IL17RE: variants seen among roughly 807,000 people sequenced by gnomAD.
IL17RE encodes interleukin-17 receptor E.
A neutral mutation model predicts 70.7 loss-of-function variants in IL17RE; 47 were observed. The ratio of observed to expected loss-of-function variants is 0.67; its 90% CI spans 0.53 to 0.85. The LOEUF is 0.85. Ranked by LOEUF, IL17RE falls within the 40% of genes least tolerant of loss-of-function variation. The pLI is 0.00. For missense variants in IL17RE, 850 were observed against 893.9 expected (o/e 0.95, Z 0.63); for synonymous variants, 372 against 381.2 (o/e 0.98, Z 0.28).
chr3:9,905,008 T>A (rs2125072249), intron 3 of IL17RE, among the ~76,000 whole-genome samples: 1 of 137,872 alleles, frequency 7.3e-6, no homozygotes, highest in African/African-American at 2.8e-5. Flanking sequence ...GGTGGGAGGA[T>A]CACCTGAATT....
At position 9,906,844 on chromosome 3, in the gene IL17RE, T is replaced by C. The variant is rs1287161444; in HGVS notation, c.505T>C (p.Leu169=). The C allele has an allele frequency of 2.5e-6, 4 of 1,614,052 alleles. No homozygotes were observed. The highest frequency in any genetic ancestry group is 2.2e-5 in the East Asian group (1 of 44,900). Reference sequence around the variant, plus strand: ...AGAGACATGGGAAAGTCTTCCCAGATTGGACTCACAAAGGCATGGAGGTGG... The same window carrying C: ...AGAGACATGGGAAAGTCTTCCCAGACTGGACTCACAAAGGCATGGAGGTGG... ...DPETWESLPR[L]DSQRHGGPEF... The change falls in exon 5 of 16, where the codon TTG becomes CTG. Residue 169 remains leucine (L), a synonymous_variant. Coordinates refer to ENST00000383814, the MANE Select transcript of IL17RE (RefSeq NM_153480.2).
rs1410710738 is a variant in IL17RE at position 9,902,851 on chromosome 3, T to C, written c.-82T>C. On this transcript the variant is annotated 5_prime_UTR_variant, in exon 1 of 16. Coordinates refer to ENST00000383814, the MANE Select transcript of IL17RE (RefSeq NM_153480.2). Reference sequence around the variant, plus strand: ...GGCGAGGGCTCCTGCTGGTACTGTGTTCGCTGCTGCACAGCAAGGCCCTGC... The same window carrying C: ...GGCGAGGGCTCCTGCTGGTACTGTGCTCGCTGCTGCACAGCAAGGCCCTGC... 1.2e-6 allele frequency: 2 copies of C among 1,610,176 alleles called. No individual in the cohort carries two copies. Among genetic ancestry groups the C allele is most frequent in the African/African-American group, 2.7e-5 (2 of 75,016 alleles).
Position 9,914,753 on chromosome 3 carries a change from C to T in IL17RE, c.1423C>T (p.Leu475Phe), listed in dbSNP as rs760548335. Residue 475 changes from leucine (L) to phenylalanine (F), a missense_variant, in exon 15 of 16, where the codon CTC becomes TTC. Transcript: ENST00000383814. ...CACCCTACTGGGTGTTGTTCTGGCC[C>T]TCACCTGCCGGCGCCCACAGTCAGG... The part of the protein sequence containing the change: ...LLTLLGVVLA[L>F]TCRRPQSGPG... 1.9e-6 allele frequency: 3 copies of T among 1,613,926 alleles called. No individual in the cohort carries two copies. The highest frequency in any genetic ancestry group is 1.7e-5 in the Admixed American group (1 of 60,014).
chr3:9,904,818 G>A lies in IL17RE; in HGVS notation c.268+667G>A, dbSNP rs2082714893. The stretch of plus-strand genomic sequence containing the variant: ...AAAGAATTGGCAGTTTCTGGGCCAG[G>A]TATGATGGTTCACACCTGTAATCCC... On this transcript the variant is annotated intron_variant, in intron 3 of 15. Transcript: ENST00000383814. Among the ~76,000 whole-genome samples, 5 of 152,066 alleles carry A rather than the reference G, an allele frequency of 3.3e-5. No homozygotes were observed. In the South Asian group the frequency reaches 1.0e-3, roughly 32 times the overall value.
Position 9,903,212 on chromosome 3 carries a change from G to A in IL17RE, c.132+148G>A, listed in dbSNP as rs527339235. On this transcript the variant is annotated intron_variant, in intron 1 of 15. Transcript: ENST00000383814. ...TACCTAGTCTCAAAGGGGTAGCCAAGGTCCTTTGTGCTGAGGGCCTGGACA... is the reference window on the plus strand; with the variant it reads ...TACCTAGTCTCAAAGGGGTAGCCAAAGTCCTTTGTGCTGAGGGCCTGGACA... The A allele has an allele frequency of 2.6e-5, 25 of 956,522 alleles. No individual in the cohort carries two copies. In the East Asian group the frequency reaches 3.8e-4, roughly 14 times the overall value. The allele number at this position is 956,522 out of a possible 1,614,324, so 59.3% of individuals were successfully genotyped here.
In IL17RE at chr3:9,911,236, C is replaced by T. The variant is rs749824330; in HGVS notation, c.1027-19C>T. 6.2e-7 allele frequency: 1 copy of T among 1,614,036 alleles called. No homozygotes were observed. The highest frequency in any genetic ancestry group is 1.3e-5 in the African/African-American group (1 of 74,916). ...GTATTGCCTGGAGCTTGCTAATCTG[C>T]CATTCCTGTATTTCTCAGTTCTCTT... is the stretch of plus-strand genomic sequence containing the variant. On this transcript the variant is annotated intron_variant, in intron 10 of 15. Transcript: ENST00000383814.
intron 12 of IL17RE, among the ~76,000 whole-genome samples, chr3:9,912,640 C>T (rs550720870): frequency 1.3e-5 from 2 of 152,366 alleles, no homozygotes; most frequent in East Asian, 1.9e-4. Flanking sequence ...TAAATGCTCA[C>T]TTGCAGCTTA....
Position 9,915,593 on chromosome 3 carries a change from T to A in IL17RE, c.1790T>A (p.Leu597His). Residue 597 changes from leucine (L) to histidine (H), a missense_variant, in exon 16 of 16, where the codon CTC becomes CAC. Coordinates refer to ENST00000383814, the MANE Select transcript of IL17RE (RefSeq NM_153480.2). This position sits in a 1 kb window ranked among gnomAD's most constrained non-coding sequence, Gnocchi z 4.9. ...CTGCTGCTCGCTTACTTCAGTCGCC[T>A]CTGCGCCAAGGGCGACATCCCCCCG... Reference protein sequence around the residue: ...PLLLLAYFSRLCAKGDIPPPL... With the variant: ...PLLLLAYFSRHCAKGDIPPPL... 1 of 1,426,106 alleles carries A rather than the reference T, an allele frequency of 7.0e-7. No individual in the cohort carries two copies. The highest frequency in any genetic ancestry group is 2.8e-5 in the Admixed American group (1 of 36,062). 88.3% of individuals were successfully genotyped at this position (1,426,106 alleles called of 1,614,324 possible). A position where few individuals can be genotyped will look rare whatever the true frequency, so the allele number is the denominator to read the frequency against.
At chr3:9,907,181 C>A in intron 6 of IL17RE, 81 bp downstream of exon 6, 2 of 1,557,802 alleles carry the variant, frequency 1.3e-6, no homozygotes, top group Non-Finnish European at 8.8e-7. Flanking sequence ...AATGAGGAAA[C>A]TGAGGCCCAG....
rs940553558 is a variant in IL17RE, at chr3:9,904,052, T to A, written c.169T>A (p.Cys57Ser). Residue 57 changes from cysteine (C) to serine (S), a missense_variant, in exon 3 of 16, where the codon TGC (cysteine) becomes AGC (serine). Coordinates refer to ENST00000383814, the MANE Select transcript of IL17RE (RefSeq NM_153480.2). ...SFTGSSAYIP[C>S]RTWWALFSTK... ...CCCAGGAAGTTCTGCCTATATCCCT[T>A]GCCGCACCTGGTGGGCCCTCTTCTC... is the stretch of plus-strand genomic sequence containing the variant. 1.2e-6 allele frequency: 2 copies of A among 1,614,018 alleles called. No individual in the cohort carries two copies. The highest frequency in any genetic ancestry group is 2.7e-5 in the African/African-American group (2 of 74,932).
At chr3:9,902,750 G>T, upstream of IL17RE, 1 of 1,534,964 alleles carries the variant, frequency 6.5e-7, no homozygotes, top group Non-Finnish European at 8.7e-7. Flanking sequence ...CCACTTGGAG[G>T]GGAAGGAATG....
At position 9,907,119 on chromosome 3, in the gene IL17RE, CT is replaced by C. The variant is rs2082778254; in HGVS notation, c.666+20del. The C allele has an allele frequency of 1.2e-6, 2 of 1,613,764 alleles. No homozygotes were observed. Among genetic ancestry groups the C allele is most frequent in the East Asian group, 2.2e-5 (1 of 44,898 alleles). ...TGTCCAGGTATGGTGTGTCATCCCC[CT>C]GTAAAAAGCCCGATCACACAGTGCT... On this transcript the variant is annotated intron_variant, in intron 6 of 15. Transcript: ENST00000383814.
Position 9,913,963 on chromosome 3 carries a change from G to T in IL17RE, c.1235G>T (p.Gly412Val), listed in dbSNP as rs144171626. The part of the protein sequence containing the change: ...PPVYTVSQAR[G>V]SSPVSLDLII... Reference sequence around the variant, plus strand: ...TGCTCTTTGTTTCTACAGGCCCGGGGCTCAAGCCCAGTGTCACTAGACCTC... The same window carrying T: ...TGCTCTTTGTTTCTACAGGCCCGGGTCTCAAGCCCAGTGTCACTAGACCTC... Residue 412 changes from glycine to valine, a missense_variant, in exon 13 of 16, where the codon GGC (glycine) becomes GTC (valine). Transcript: ENST00000383814. The T allele has an allele frequency of 2.1e-5, 34 of 1,614,000 alleles. 1 individual carries two copies. In the South Asian group the frequency reaches 3.6e-4, roughly 17 times the overall value.
intron 3 of IL17RE, among the ~76,000 whole-genome samples, chr3:9,905,342 GCTA>G (rs2125073271): frequency 6.6e-6 from 1 of 151,758 alleles, no homozygotes; most frequent in South Asian, 2.1e-4. Flanking sequence ...TGTAATCCCA[GCTA>G]CTCAGGAGGC....
At position 9,904,121 on chromosome 3, in the gene IL17RE, T is replaced by C; in HGVS notation, c.238T>C (p.Leu80=). 1 of 1,614,214 alleles carries C rather than the reference T, an allele frequency of 6.2e-7. No homozygotes were observed. The highest frequency in any genetic ancestry group is 8.5e-7 in the Non-Finnish European group (1 of 1,180,036). The change falls in exon 3 of 16, where the codon TTG becomes CTG. Residue 80 remains leucine (L), a synonymous_variant. Coordinates refer to ENST00000383814, the MANE Select transcript of IL17RE (RefSeq NM_153480.2). The part of the protein sequence containing the change: ...CVRVWHCSRC[L]CQHLLSGGSG... ...GCGAGTCTGGCACTGTTCCCGCTGT[T>C]TGTGCCAGCATCTGCTGTCAGGTGG...
intron 7 of IL17RE, 83 bp downstream of exon 7, chr3:9,908,390 G>A: frequency 8.4e-7 from 1 of 1,190,384 alleles, no homozygotes; most frequent in Non-Finnish European, 1.2e-6. Flanking sequence ...TATATCTCCA[G>A]TAAATTGGGT....
At chr3:9,911,331 C>A (rs751411236) in intron 11 of IL17RE, 31 bp downstream of exon 11, 2 of 1,613,862 alleles carry the variant, frequency 1.2e-6, no homozygotes. Context: ...TGCTGGGACC[C>A]CCTGCCCCAT....
chr3:9,914,468 C>A (rs770054742), intron 13 of IL17RE, 80 bp from the exon 14 acceptor site: 3 of 1,589,272 alleles, frequency 1.9e-6, no homozygotes, highest in Admixed American at 3.6e-5. Flanking sequence ...ACTCCCCTCT[C>A]CCCCAGCTCC....
At chr3:9,910,740 G>C in intron 8 of IL17RE, 125 bp from the exon 9 acceptor site, 1 of 744,026 alleles carries the variant, frequency 1.3e-6, no homozygotes, top group South Asian at 1.8e-5. Context: ...TTTAGTACCT[G>C]TTCTGGCCAG....
Sources: gnomAD v4.1 joint callset for allele counts (sites outside exome capture counted in the v4.1 genomes callset) on GRCh38, gnomAD v4.1.1 for gene constraint, Gnocchi (gnomAD v3.1) non-coding constraint, MANE v1.5 for transcripts, NCBI Gene and HGNC (gene_info 2026-07-23, HGNC 2026-07-21) for gene names.